Variants in DMD observed in about 807,000 individuals in gnomAD.
The protein encoded by DMD is mutant dystrophin.
Under a neutral mutation model 330.1 loss-of-function variants are expected in DMD, and 63 were observed. The observed-to-expected ratio is 0.19, with a 90% CI of 0.16 to 0.24. DMD has a LOEUF of 0.24. DMD is among the 10% of genes least tolerant of loss of function. DMD has a pLI of 1.00. For synonymous variants in DMD, 1,223 were observed against 959.8 expected (o/e 1.27, Z -5.07); for missense variants, 3,344 against 2,684.1 (o/e 1.25, Z -5.43).
intron 16 of DMD, among the ~76,000 whole-genome samples, chrX:32,553,343 A>C (rs2049800898): frequency 9.0e-6 from 1 of 111,383 alleles, no homozygotes; most frequent in Non-Finnish European, 1.9e-5. Context: ...CTCACTTCTA[A>C]GTGGGAGATA....
At chrX:32,020,620 C>T (rs959761290) in intron 44 of DMD, among the ~76,000 whole-genome samples, 45 of 111,895 alleles carry the variant, frequency 4.0e-4, no homozygotes, top group African/African-American at 1.4e-3. Flanking sequence ...TATCTGCAAG[C>T]CAATGGGGGA....
At position 33,053,409 on chromosome X, in the gene DMD, T is replaced by C. The variant is rs186058656; in HGVS notation, c.32-33209A>G. Among the ~76,000 whole-genome samples the C allele has an allele frequency of 1.0e-3, 112 of 109,648 alleles. 1 individual carries two copies. Among genetic ancestry groups the C allele is most frequent in the African/African-American group, 3.6e-3 (108 of 30,158 alleles). On this transcript the variant is annotated intron_variant, in intron 1 of 78. Coordinates refer to ENST00000357033, the MANE Select transcript of DMD (RefSeq NM_004006.3). Reference sequence around the variant, plus strand: ...AGGAGTTCGAGACCAGCCTGGCCAATATGGTGAAACTCCGTCTCTACTAAA... The same window carrying C: ...AGGAGTTCGAGACCAGCCTGGCCAACATGGTGAAACTCCGTCTCTACTAAA...
intron 44 of DMD, among the ~76,000 whole-genome samples, chrX:32,061,882 G>A (rs936911318): frequency 1.8e-5 from 2 of 111,346 alleles, no homozygotes; most frequent in Non-Finnish European, 3.8e-5. Context: ...AGAAACCAAT[G>A]TACGGAGGCC....
At chrX:31,752,073 C>T (rs377044478) in intron 51 of DMD, among the ~76,000 whole-genome samples, 1 of 111,733 alleles carries the variant, frequency 8.9e-6, no homozygotes, top group East Asian at 2.8e-4. Context: ...TCATCACCTC[C>T]TTCTCTCTTA....
chrX:32,155,129 G>A (rs1356551229), intron 44 of DMD, among the ~76,000 whole-genome samples: 1 of 109,453 alleles, frequency 9.1e-6, no homozygotes, highest in Non-Finnish European at 1.9e-5. Context: ...ATGGAAGGAT[G>A]CATTTTTAAA....
chrX:33,327,351 T>C (rs2054103298), intron 1 of DMD, among the ~76,000 whole-genome samples: 1 of 111,749 alleles, frequency 8.9e-6, no homozygotes, highest in Non-Finnish European at 1.9e-5. Flanking sequence ...AAAGAAATAT[T>C]TGGAACTAAA....
chrX:32,751,638 T>G (rs547754946), intron 7 of DMD, among the ~76,000 whole-genome samples: 1 of 112,498 alleles, frequency 8.9e-6, no homozygotes, highest in African/African-American at 3.2e-5. Flanking sequence ...CTGCAGAAAT[T>G]TGTATAAGTA....
At chrX:31,862,069 C>A (rs1429869109) in intron 48 of DMD, among the ~76,000 whole-genome samples, 2 of 109,860 alleles carry the variant, frequency 1.8e-5, no homozygotes, top group African/African-American at 6.6e-5. Context: ...AACAATGCAA[C>A]AGAGGATTTC....
chrX:32,717,911 G>T (rs2065895866), intron 7 of DMD, among the ~76,000 whole-genome samples: 1 of 111,387 alleles, frequency 9.0e-6, no homozygotes, highest in Non-Finnish European at 1.9e-5. Flanking sequence ...GACTTGCACA[G>T]GGCCTGTAAC....
chrX:31,233,759 A>G (rs189195599), intron 63 of DMD, among the ~76,000 whole-genome samples: 5 of 111,656 alleles, frequency 4.5e-5, no homozygotes, highest in Non-Finnish European at 9.4e-5. Context: ...CGGCTTACTT[A>G]TTTCTCTGCC....
At chrX:32,973,101 A>T (rs756472297) in intron 2 of DMD, among the ~76,000 whole-genome samples, 10 of 111,805 alleles carry the variant, frequency 8.9e-5, no homozygotes, top group African/African-American at 2.9e-4. Context: ...AGTAACTCCA[A>T]TTGAGCCATA....
intron 48 of DMD, among the ~76,000 whole-genome samples, chrX:31,873,005 T>C (rs186353476): frequency 9.0e-6 from 1 of 111,258 alleles, no homozygotes; most frequent in African/African-American, 3.3e-5. Context: ...CTTGTGATCA[T>C]GTATGACTAA....
chrX:32,410,308 G>C, intron 30 of DMD, among the ~76,000 whole-genome samples: 1 of 111,142 alleles, frequency 9.0e-6, no homozygotes, highest in Non-Finnish European at 1.9e-5. Flanking sequence ...ATCCACTATT[G>C]CAATTGTATG....
intron 43 of DMD, among the ~76,000 whole-genome samples, chrX:32,251,416 G>A (rs901134541): frequency 3.6e-5 from 4 of 110,924 alleles, no homozygotes; most frequent in Non-Finnish European, 5.7e-5. Flanking sequence ...CTCCAAATCT[G>A]CCCCTTCTTT....
At chrX:32,076,202 C>T (rs1366692886) in intron 44 of DMD, among the ~76,000 whole-genome samples, 1 of 106,947 alleles carries the variant, frequency 9.4e-6, no homozygotes, top group Non-Finnish European at 1.9e-5. Context: ...AGGATTATAA[C>T]CTCAGCGGAA....
At chrX:31,861,975 A>ACACC (rs770834589) in intron 48 of DMD, among the ~76,000 whole-genome samples, 30 of 108,030 alleles carry the variant, frequency 2.8e-4, no homozygotes, top group African/African-American at 9.5e-4. Flanking sequence ...ACACACACAC[A>ACACC]CCTACATCCT....
intron 64 of DMD, among the ~76,000 whole-genome samples, chrX:31,216,258 A>T (rs1325353561): frequency 8.9e-6 from 1 of 112,388 alleles, no homozygotes; most frequent in Non-Finnish European, 1.9e-5. Flanking sequence ...GGAGAATGGA[A>T]CCAATAATTA....
rs193298222 is a variant in DMD, at chrX:32,999,998, T to C, written c.93+20141A>G. Among the ~76,000 whole-genome samples, 677 of 112,187 alleles carry C rather than the reference T, an allele frequency of 6.0e-3. 7 individuals are homozygous for C. The highest frequency in any genetic ancestry group is 0.02 in the African/African-American group (627 of 30,982). On this transcript the variant is annotated intron_variant, in intron 2 of 78. Coordinates refer to ENST00000357033, the MANE Select transcript of DMD (RefSeq NM_004006.3). ...TTCGTTGAAAGTTACCTTTCATTCC[T>C]TTTTCCATATCATTTCCTGGGCTAG...
chrX:33,118,655 A>G (rs1209431304), intron 1 of DMD, among the ~76,000 whole-genome samples: 2 of 111,818 alleles, frequency 1.8e-5, no homozygotes, highest in African/African-American at 6.5e-5. Context: ...TAATGAGAAG[A>G]CTAAAGTCTC....
Sources: gnomAD v4.1 joint callset for allele counts (sites outside exome capture counted in the v4.1 genomes callset) on GRCh38, gnomAD v4.1.1 for gene constraint, MANE v1.5 for transcripts, NCBI Gene and HGNC (gene_info 2026-07-23, HGNC 2026-07-21) for gene names.